Variants in KRT7 observed in about 807,000 individuals in gnomAD.
The protein encoded by KRT7 is keratin, type II cytoskeletal 7.
KRT7 carries 50 observed loss-of-function variants against 42.8 expected under a neutral mutation model. The observed-to-expected ratio is 1.17, with a 90% CI of 0.93 to 1.48. The LOEUF is 1.48. Ranked by LOEUF, KRT7 falls within the 40% of genes most tolerant of loss-of-function variation. KRT7 has a pLI of 0.00. For missense variants in KRT7, 588 were observed against 637.6 expected (o/e 0.92, Z 0.84); for synonymous variants, 268 against 266.3 (o/e 1.01, Z -0.06).
chr12:52,254,600 C>T (rs570150221), downstream of KRT7, among the ~76,000 whole-genome samples: 14 of 152,342 alleles, frequency 9.2e-5, no homozygotes, highest in Non-Finnish European at 1.5e-5. Context: ...GGTACTTCCT[C>T]TGGCACCCAC....
downstream of KRT7, chr12:52,250,711 C>T: frequency 2.0e-6 from 1 of 501,258 alleles, no homozygotes; most frequent in Non-Finnish European, 3.8e-6. Flanking sequence ...AGCTTCTCCC[C>T]TCTGTTTCTA....
chr12:52,252,573 A>T, downstream of KRT7: 1 of 1,480,566 alleles, frequency 6.8e-7, no homozygotes, highest in Admixed American at 2.0e-5. Flanking sequence ...CAGAAGAAAA[A>T]GAGGCCTTGT....
rs767380563 is a variant in KRT7, at chr12:52,235,377, CT to C, written c.536+12del. On this transcript the variant is annotated intron_variant, in intron 2 of 8. Transcript: ENST00000331817. Reference sequence around the variant, plus strand: ...GGACTTCAAGAATAAGTAATGCCCCCTGTGCCACATGCGAAGACCCCTGCCC... The same window carrying C: ...GGACTTCAAGAATAAGTAATGCCCCCGTGCCACATGCGAAGACCCCTGCCC... 8 of 1,597,726 alleles carry C rather than the reference CT, an allele frequency of 5.0e-6. No individual in the cohort carries two copies. The South Asian group carries it at 5.6e-5, about 11-fold the overall frequency.
At chr12:52,235,107 T>C (rs1726407622) in intron 1 of KRT7, 48 bp from the exon 2 acceptor site, 1 of 1,562,514 alleles carries the variant, frequency 6.4e-7, no homozygotes, top group Non-Finnish European at 8.8e-7. Flanking sequence ...CCGCTGTGGG[T>C]GGCACGCTCT....
chr12:52,241,086 T>A (rs1364554785), intron 4 of KRT7, among the ~76,000 whole-genome samples: 1 of 152,170 alleles, frequency 6.6e-6, no homozygotes, highest in Non-Finnish European at 1.5e-5. Context: ...AGCCATATCA[T>A]CGGTGTACAG....
chr12:52,240,198 GTTTTC>G (rs559346080), intron 4 of KRT7, among the ~76,000 whole-genome samples: 3 of 151,832 alleles, frequency 2.0e-5, no homozygotes, highest in Non-Finnish European at 4.4e-5. Flanking sequence ...TATATATAAA[GTTTTC>G]TTTTCATGGT....
Position 52,235,144 on chromosome 12 carries a change from G to T in KRT7, c.325-11G>T. The T allele has an allele frequency of 6.2e-7, 1 of 1,613,506 alleles. No homozygotes were observed. The highest frequency in any genetic ancestry group is 8.5e-7 in the Non-Finnish European group (1 of 1,179,688). Reference sequence around the variant, plus strand: ...GCTCCTCTTGAGTTTCCTCCTTCTCGCCCGTTCTAGGTGCGGTTTCTGGAG... The same window carrying T: ...GCTCCTCTTGAGTTTCCTCCTTCTCTCCCGTTCTAGGTGCGGTTTCTGGAG... On this transcript the variant is annotated splice_polypyrimidine_tract_variant and intron_variant, in intron 1 of 8. Coordinates refer to ENST00000331817, the MANE Select transcript of KRT7 (RefSeq NM_005556.4).
At chr12:52,250,516 C>G (rs1942247346), downstream of KRT7, 1 of 785,900 alleles carries the variant, frequency 1.3e-6, no homozygotes, top group Non-Finnish European at 2.1e-6. Context: ...CCGCAGGGCG[C>G]ACACAGGCCG....
rs202150556 is a variant in KRT7, at chr12:52,235,163, T to G, written c.333T>G (p.Phe111Leu). The change falls in exon 2 of 9, where the codon TTT becomes TTG. Residue 111 changes from phenylalanine (F) to leucine (L), a missense_variant. Physicochemically the swap from Phe to Leu is conservative, Grantham distance 22. Coordinates refer to ENST00000331817, the MANE Select transcript of KRT7 (RefSeq NM_005556.4). The part of the protein sequence containing the change: ...KFASFIDKVR[F>L]LEQQNKLLET... ...CTTCTCGCCCGTTCTAGGTGCGGTTTCTGGAGCAGCAGAACAAGCTGCTGG... is the reference window on the plus strand; with the variant it reads ...CTTCTCGCCCGTTCTAGGTGCGGTTGCTGGAGCAGCAGAACAAGCTGCTGG... The G allele has an allele frequency of 2.0e-5, 33 of 1,614,070 alleles. No homozygotes were observed. The East Asian group carries it at 6.5e-4, about 32-fold the overall frequency.
At chr12:52,254,152 C>A, downstream of KRT7, 1 of 465,188 alleles carries the variant, frequency 2.1e-6, no homozygotes, top group Admixed American at 2.6e-5. Flanking sequence ...TCATGGTGAA[C>A]CTGCCTGGGG....
At chr12:52,255,653 A>C (rs572541488), downstream of KRT7, among the ~76,000 whole-genome samples, 2 of 152,090 alleles carry the variant, frequency 1.3e-5, no homozygotes, top group South Asian at 4.1e-4. Flanking sequence ...GGCCCTGCAC[A>C]TTTTCGAAGA....
chr12:52,233,671 C>T, intron 1 of KRT7, 51 bp downstream of exon 1: 1 of 1,582,308 alleles, frequency 6.3e-7, no homozygotes, highest in Non-Finnish European at 8.7e-7. Context: ...CAGACCACAC[C>T]AGCCGCCCTA....
At chr12:52,250,844 A>G (rs1006052398), downstream of KRT7, among the ~76,000 whole-genome samples, 4 of 152,242 alleles carry the variant, frequency 2.6e-5, no homozygotes, top group African/African-American at 9.6e-5. Context: ...GCCTCACAAC[A>G]GAGACATGTT....
Position 52,248,901 on chromosome 12 carries a change from T to G in KRT7, c.*141T>G. ...AATAGCTTCCAATAAAGCAGCCTCA[T>G]TCTGAGGCCTGAGTGATCCACGTGC... On this transcript the variant is annotated 3_prime_UTR_variant, in exon 9 of 9. Coordinates refer to ENST00000331817, the MANE Select transcript of KRT7 (RefSeq NM_005556.4). The G allele has an allele frequency of 3.8e-6, 3 of 779,390 alleles. No individual in the cohort carries two copies. The highest frequency in any genetic ancestry group is 5.5e-6 in the Non-Finnish European group (3 of 542,536). 48.3% of individuals were successfully genotyped at this position (779,390 alleles called of 1,614,324 possible).
intron 2 of KRT7, 80 bp downstream of exon 2, chr12:52,235,446 C>A: frequency 8.0e-7 from 1 of 1,248,488 alleles, no homozygotes; most frequent in Non-Finnish European, 1.1e-6. Context: ...TGCAAGTCCC[C>A]CTGCTTCAGG....
Position 52,243,005 on chromosome 12 carries a change from C to A in KRT7, c.859-7C>A, listed in dbSNP as rs774732385. 6.2e-7 allele frequency: 1 copy of A among 1,610,240 alleles called. No individual in the cohort carries two copies. The highest frequency in any genetic ancestry group is 1.7e-5 in the Admixed American group (1 of 59,634). On this transcript the variant is annotated splice_polypyrimidine_tract_variant and splice_region_variant and intron_variant, in intron 5 of 8. Coordinates refer to ENST00000331817, the MANE Select transcript of KRT7 (RefSeq NM_005556.4). Reference sequence around the variant, plus strand: ...CTCTGCCATAACTCTCTGTATGGCCCCTCCAGTTTGAGACCCTCCAGGCCC... The same window carrying A: ...CTCTGCCATAACTCTCTGTATGGCCACTCCAGTTTGAGACCCTCCAGGCCC...
chr12:52,247,860 G>A (rs556218703), intron 7 of KRT7: 2 of 424,814 alleles, frequency 4.7e-6, no homozygotes, highest in Non-Finnish European at 8.6e-6. Context: ...GGTGCTCAGG[G>A]CTTTAGACAG....
At chr12:52,250,685 GGCCC>G (rs1392910266), downstream of KRT7, 13 of 600,058 alleles carry the variant, frequency 2.2e-5, no homozygotes, top group Non-Finnish European at 6.2e-6. Context: ...GGCGGCCAGA[GGCCC>G]CTTCTGCTCA....
At chr12:52,255,602 C>T (rs1195191158), downstream of KRT7, among the ~76,000 whole-genome samples, 1 of 152,202 alleles carries the variant, frequency 6.6e-6, no homozygotes, top group Admixed American at 6.5e-5. Context: ...AAAGCTCTTT[C>T]TATTTCAGGG....
Sources: gnomAD v4.1 joint callset for allele counts (sites outside exome capture counted in the v4.1 genomes callset) on GRCh38, gnomAD v4.1.1 for gene constraint, MANE v1.5 for transcripts, NCBI Gene and HGNC (gene_info 2026-07-23, HGNC 2026-07-21) for gene names.